The following FLRT2 variants were observed in gnomAD, a reference collection of about 807,000 sequenced individuals.
FLRT2 encodes the protein leucine-rich repeat transmembrane protein FLRT2.
In FLRT2, 15 loss-of-function variants were observed where a neutral mutation model predicts 40.0. The observed-to-expected ratio is 0.38, with a 90% confidence interval of 0.25 to 0.58. The LOEUF (loss-of-function observed/expected upper bound fraction) is 0.58, where lower values mean the gene tolerates loss of function less well. FLRT2 is among the 20% of genes least tolerant of loss of function. FLRT2 has a pLI of 0.71. For synonymous variants in FLRT2, 380 were observed against 336.8 expected (o/e 1.13, Z -1.41); for missense variants, 726 against 840.0 (o/e 0.86, Z 1.68).
At chr14:85,620,407 A>G (rs916645160) in intron 1 of FLRT2, among the ~76,000 whole-genome samples, 20 of 152,194 alleles carry the variant, frequency 1.3e-4, no homozygotes, top group African/African-American at 4.6e-4. Context: ...GAGTGATAAT[A>G]TAATGAATAA....
At chr14:85,561,890 T>G (rs1438220977) in intron 1 of FLRT2, among the ~76,000 whole-genome samples, 1 of 152,248 alleles carries the variant, frequency 6.6e-6, no homozygotes, top group Non-Finnish European at 1.5e-5. Context: ...TGTATTTTGT[T>G]GTTGTTGTGG....
intron 1 of FLRT2, among the ~76,000 whole-genome samples, chr14:85,578,605 G>A (rs2139871700): frequency 6.6e-6 from 1 of 152,216 alleles, no homozygotes; most frequent in East Asian, 1.9e-4. Flanking sequence ...CCCTGACACA[G>A]GCAAAGAAAA....
Position 85,621,430 on chromosome 14 carries a change from C to A in FLRT2, c.-85C>A. 1 of 1,291,390 alleles carries A rather than the reference C, an allele frequency of 7.7e-7. No individual in the cohort carries two copies. The highest frequency in any genetic ancestry group is 1.1e-6 in the Non-Finnish European group (1 of 947,262). 80.0% of individuals were successfully genotyped at this position (1,291,390 alleles called of 1,614,324 possible). On this transcript the variant is annotated 5_prime_UTR_variant, in exon 2 of 2. Transcript: ENST00000330753. The stretch of plus-strand genomic sequence containing the variant: ...GGAGTTCTGGACTTCAACAGAACCC[C>A]ATCCAGTCATTTTGATTTTGCTGTT...
intron 1 of FLRT2, among the ~76,000 whole-genome samples, chr14:85,536,353 G>C (rs1261320970): frequency 6.6e-6 from 1 of 152,120 alleles, no homozygotes; most frequent in Admixed American, 6.5e-5. Flanking sequence ...TACTTTACAA[G>C]GAAGAATTCC....
chr14:85,606,482 G>C (rs1036471281), intron 1 of FLRT2, among the ~76,000 whole-genome samples: 8 of 150,224 alleles, frequency 5.3e-5, no homozygotes, highest in Admixed American at 2.7e-4. Context: ...CACGTGGCTT[G>C]GTGCATTACA....
chr14:85,547,213 G>T (rs969271576), intron 1 of FLRT2, among the ~76,000 whole-genome samples: 41 of 152,110 alleles, frequency 2.7e-4, no homozygotes, highest in Non-Finnish European at 4.6e-4. Context: ...TCCAAAGAAA[G>T]TTATTCTTCC....
Position 85,649,794 on chromosome 14 carries a change from A to C in FLRT2, c.*26297A>C, listed in dbSNP as rs959790915. 19 of 152,092 alleles carry C rather than the reference A, an allele frequency of 1.2e-4. No homozygotes were observed. Among genetic ancestry groups the C allele is most frequent in the African/African-American group, 4.1e-4 (17 of 41,528 alleles). The allele number at this position is 152,092 out of a possible 1,614,324, so 9.4% of individuals were successfully genotyped here. A position where few individuals can be genotyped will look rare whatever the true frequency, so the allele number is the denominator to read the frequency against. The stretch of plus-strand genomic sequence containing the variant: ...GTATCAACAGTTTCAAAGGAGAGAG[A>C]GTGTTTTTGGTAAAGGCAATAAATT... On this transcript the variant is annotated 3_prime_UTR_variant, in exon 2 of 2. Transcript: ENST00000330753.
intron 1 of FLRT2, among the ~76,000 whole-genome samples, chr14:85,589,549 C>T (rs1891787908): frequency 6.6e-6 from 1 of 152,118 alleles, no homozygotes; most frequent in African/African-American, 2.4e-5. Flanking sequence ...TATTTTCTCC[C>T]ATTCTGTGGG....
chr14:85,603,627 T>C (rs2139337753), intron 1 of FLRT2, among the ~76,000 whole-genome samples: 1 of 152,250 alleles, frequency 6.6e-6, no homozygotes, highest in Non-Finnish European at 1.5e-5. Context: ...CCCAGCATTT[T>C]GGGAGGCTGG....
rs1483365474 is a variant in FLRT2 at position 85,646,522 on chromosome 14, T to C, written c.*23025T>C. 3 of 152,232 alleles carry C rather than the reference T, an allele frequency of 2.0e-5. No individual in the cohort carries two copies. The East Asian group carries it at 5.8e-4, about 29-fold the overall frequency. The allele number at this position is 152,232 out of a possible 1,614,324, so 9.4% of individuals were successfully genotyped here. On this transcript the variant is annotated 3_prime_UTR_variant, in exon 2 of 2. Coordinates refer to ENST00000330753, the MANE Select transcript of FLRT2 (RefSeq NM_013231.6). ...CAGTCCTCTTAGAAGAAGGTAAAAG[T>C]GGGTAGAATGGACCATAGTACTTGA...
At chr14:85,531,367 T>G (rs1888264108) in intron 1 of FLRT2, 2 of 152,578 alleles carry the variant, frequency 1.3e-5, no homozygotes, top group South Asian at 4.1e-4. Flanking sequence ...GCTTGGGGGC[T>G]TGGGGCCTCC....
chr14:85,582,533 T>C (rs905814777), intron 1 of FLRT2, among the ~76,000 whole-genome samples: 4 of 151,844 alleles, frequency 2.6e-5, no homozygotes, highest in South Asian at 2.1e-4. Context: ...GCATTATTTA[T>C]CCTCTCTGGG....
intron 1 of FLRT2, among the ~76,000 whole-genome samples, chr14:85,560,566 G>A (rs1338279051): frequency 2.6e-5 from 4 of 151,862 alleles, no homozygotes; most frequent in South Asian, 2.1e-4. Flanking sequence ...GGGCTGCAGA[G>A]CGAGACTCCA....
rs534985359 is a variant in FLRT2, at chr14:85,653,991, G to A, written c.*30494G>A. 1 of 152,230 alleles carries A rather than the reference G, an allele frequency of 6.6e-6. No homozygotes were observed. The highest frequency in any genetic ancestry group is 2.1e-4 in the South Asian group (1 of 4,824). The allele number at this position is 152,230 out of a possible 1,614,324, so 9.4% of individuals were successfully genotyped here. A position where few individuals can be genotyped will look rare whatever the true frequency, so the allele number is the denominator to read the frequency against. ...ATGCTATTGCTCACCTCAAGTCAAT[G>A]TCACTTTGTATTAATGGATTTAGTG... is the stretch of plus-strand genomic sequence containing the variant. On this transcript the variant is annotated 3_prime_UTR_variant, in exon 2 of 2. Transcript: ENST00000330753.
chr14:85,634,891 A>G lies in FLRT2; in HGVS notation c.*11394A>G, dbSNP rs2139390089. The stretch of plus-strand genomic sequence containing the variant: ...GTTTCTTATAGTCAAAAGCGCAGGA[A>G]TTTAGTTGATCTCCCAAGTTACTTT... On this transcript the variant is annotated 3_prime_UTR_variant, in exon 2 of 2. Coordinates refer to ENST00000330753, the MANE Select transcript of FLRT2 (RefSeq NM_013231.6). The G allele has an allele frequency of 6.6e-6, 1 of 152,266 alleles. No homozygotes were observed. Among genetic ancestry groups the G allele is most frequent in the East Asian group, 1.9e-4 (1 of 5,184 alleles). 9.4% of individuals were successfully genotyped at this position (152,266 alleles called of 1,614,324 possible).
intron 1 of FLRT2, chr14:85,552,666 A>G (rs1889707465): frequency 6.6e-6 from 1 of 152,140 alleles, no homozygotes; most frequent in African/African-American, 2.4e-5. Context: ...CCCCTCTGGG[A>G]GCTCAGCAAT....
intron 1 of FLRT2, among the ~76,000 whole-genome samples, chr14:85,543,251 G>C (rs1566718325): frequency 6.6e-6 from 1 of 152,138 alleles, no homozygotes; most frequent in Non-Finnish European, 1.5e-5. Context: ...CACTGAGCTA[G>C]ATAGTTTTTA....
chr14:85,547,205 C>CA (rs774612429), intron 1 of FLRT2, among the ~76,000 whole-genome samples: 42 of 152,258 alleles, frequency 2.8e-4, no homozygotes, highest in Non-Finnish European at 4.7e-4. Flanking sequence ...CTAGTCTTTC[C>CA]AAAGAAAGTT....
At chr14:85,536,364 TG>T (rs1195902640) in intron 1 of FLRT2, among the ~76,000 whole-genome samples, 9 of 152,170 alleles carry the variant, frequency 5.9e-5, no homozygotes, top group Admixed American at 5.9e-4. Flanking sequence ...GAAGAATTCC[TG>T]CTTCTGGGAT....
Sources: gnomAD v4.1 joint callset for allele counts (sites outside exome capture counted in the v4.1 genomes callset) on GRCh38, gnomAD v4.1.1 for gene constraint, MANE v1.5 for transcripts, NCBI Gene and HGNC (gene_info 2026-07-23, HGNC 2026-07-21) for gene names.